Variants in SYNE2 observed in about 807,000 individuals in gnomAD.
SYNE2 encodes spectrin repeat containing nuclear envelope protein 2.
Under a neutral mutation model 856.3 loss-of-function variants are expected in SYNE2, and 431 were observed. The observed-to-expected ratio is 0.50, with a 90% CI of 0.47 to 0.55. The LOEUF (loss-of-function observed/expected upper bound fraction) is 0.55. SYNE2 is among the 20% of genes least tolerant of loss of function. The probability of loss-of-function intolerance (pLI) is 0.00; values close to 1 mark genes in which losing one functional copy is unlikely to be tolerated. For missense variants in SYNE2, 8,129 were observed against 8,023.2 expected (o/e 1.01, Z -0.50); for synonymous variants, 2,923 against 2,872.3 (o/e 1.02, Z -0.56).
intron 50 of SYNE2, among the ~76,000 whole-genome samples, chr14:64,063,796 T>G (rs2097335800): frequency 6.6e-6 from 1 of 152,202 alleles, no homozygotes; most frequent in Admixed American, 6.5e-5. Context: ...TAGTAAAATG[T>G]GAGACTTAAA....
intron 11 of SYNE2, among the ~76,000 whole-genome samples, chr14:63,975,698 C>T (rs1001394037): frequency 5.9e-5 from 9 of 152,128 alleles, no homozygotes. Flanking sequence ...TTTTTGAACA[C>T]AGTGTATTTT....
At chr14:64,096,998 G>A (rs1177685361) in intron 61 of SYNE2, among the ~76,000 whole-genome samples, 1 of 152,170 alleles carries the variant, frequency 6.6e-6, no homozygotes, top group Admixed American at 6.5e-5. Context: ...CTCACTTCAG[G>A]AGCTCAGGCA....
rs948317915 is a variant in SYNE2, at chr14:63,853,675, A to G, written c.-52+532A>G. 5.2e-4 allele frequency among the ~76,000 whole-genome samples: 78 copies of G among 150,512 alleles called. 1 individual carries two copies. In the South Asian group the frequency reaches 6.5e-3, roughly 13 times the overall value. Reference sequence around the variant, plus strand: ...GAGCGGTGCGGTGCTCGCCCCGGGGACCCGGGAACCCGCGGGTCGGGGCGC... The same window carrying G: ...GAGCGGTGCGGTGCTCGCCCCGGGGGCCCGGGAACCCGCGGGTCGGGGCGC... On this transcript the variant is annotated intron_variant, in intron 1 of 115. Coordinates refer to ENST00000555002, the MANE Select transcript of SYNE2 (RefSeq NM_182914.3).
intron 63 of SYNE2, chr14:64,099,273 G>C (rs1595507725): frequency 5.8e-6 from 1 of 171,052 alleles, no homozygotes; most frequent in East Asian, 1.7e-4. Context: ...GGTTGAATGA[G>C]ACATTTTCAG....
intron 66 of SYNE2, among the ~76,000 whole-genome samples, chr14:64,114,995 G>C (rs1468563726): frequency 6.6e-6 from 1 of 152,186 alleles, no homozygotes; most frequent in Non-Finnish European, 1.5e-5. Context: ...AGGCCCAGGG[G>C]AGCCTGTGAA....
intron 11 of SYNE2, among the ~76,000 whole-genome samples, chr14:63,974,074 T>G (rs1566946603): frequency 6.6e-6 from 1 of 152,026 alleles, no homozygotes; most frequent in Non-Finnish European, 1.5e-5. Context: ...TACAATAAAA[T>G]AATAATTTTA....
chr14:63,842,145 T>G (rs911070625), intron 1 of SYNE2, among the ~76,000 whole-genome samples: 3 of 150,676 alleles, frequency 2.0e-5, no homozygotes. Flanking sequence ...TTTTTGCCCA[T>G]TTTTCTTCTT....
At chr14:64,012,512 A>T (rs80331304) in intron 32 of SYNE2, among the ~76,000 whole-genome samples, 1 of 152,214 alleles carries the variant, frequency 6.6e-6, no homozygotes, top group South Asian at 2.1e-4. Context: ...TGAAGTGTGT[A>T]TATAGTAGAA....
chr14:63,937,892 G>C (rs2095852678), intron 2 of SYNE2, among the ~76,000 whole-genome samples: 1 of 152,182 alleles, frequency 6.6e-6, no homozygotes, highest in Admixed American at 6.5e-5. Context: ...CTGGGGGTGA[G>C]GGACACTGAA....
chr14:64,178,007 T>C (rs1406062049), intron 96 of SYNE2, among the ~76,000 whole-genome samples: 1 of 152,210 alleles, frequency 6.6e-6, no homozygotes, highest in African/African-American at 2.4e-5. Flanking sequence ...AACTTATGGA[T>C]AGGAATTGGG....
Position 64,136,994 on chromosome 14 carries a change from A to T in SYNE2, c.14647-793A>T, listed in dbSNP as rs372366575. 1.7e-4 allele frequency among the ~76,000 whole-genome samples: 26 copies of T among 152,256 alleles called. 1 individual carries two copies. The highest frequency in any genetic ancestry group is 3.4e-3 in the Middle Eastern group (1 of 294). On this transcript the variant is annotated intron_variant, in intron 78 of 115. Transcript: ENST00000555002. ...TTACAGCCGCCCTTTGCCACATGAG[A>T]TGCAGACCAACAATTGCTAGGTCTT...
intron 1 of SYNE2, among the ~76,000 whole-genome samples, chr14:63,775,712 G>T (rs1887084267): frequency 6.6e-6 from 1 of 152,120 alleles, no homozygotes; most frequent in African/African-American, 2.4e-5. Context: ...TCCAAAAGTA[G>T]CTGGGACTAC....
chr14:64,192,176 G>C (rs1295941688), intron 99 of SYNE2, among the ~76,000 whole-genome samples: 1 of 152,168 alleles, frequency 6.6e-6, no homozygotes, highest in Non-Finnish European at 1.5e-5. Context: ...TCAGAGCTTA[G>C]AATAGCGCGT....
At position 64,151,019 on chromosome 14, in the gene SYNE2, C is replaced by G. The variant is rs558950428; in HGVS notation, c.15640-1545C>G. ...GACAGTGAGAGGTTTTCTGTTCATACGCTATATATTCATGTGGCTCTAAAT... is the reference window on the plus strand; with the variant it reads ...GACAGTGAGAGGTTTTCTGTTCATAGGCTATATATTCATGTGGCTCTAAAT... On this transcript the variant is annotated intron_variant, in intron 84 of 115. Transcript: ENST00000555002. Among the ~76,000 whole-genome samples, 10 of 152,218 alleles carry G rather than the reference C, an allele frequency of 6.6e-5. No homozygotes were observed. In the East Asian group the frequency reaches 1.9e-3, roughly 29 times the overall value.
chr14:64,176,312 C>T (rs1042495462), intron 95 of SYNE2, among the ~76,000 whole-genome samples: 23 of 152,304 alleles, frequency 1.5e-4, no homozygotes, highest in African/African-American at 5.3e-4. Context: ...CCCAGATCCA[C>T]GGGCTAGTCA....
chr14:64,176,810 T>G (rs1429096568), intron 95 of SYNE2, among the ~76,000 whole-genome samples: 1 of 149,312 alleles, frequency 6.7e-6, no homozygotes, highest in Non-Finnish European at 1.5e-5. Flanking sequence ...TTTATTTATT[T>G]ATTTTAAGAT....
chr14:64,205,449 C>A (rs1157071568), intron 100 of SYNE2, among the ~76,000 whole-genome samples: 2 of 152,154 alleles, frequency 1.3e-5, no homozygotes, highest in South Asian at 2.1e-4. Flanking sequence ...AAAAAACAAC[C>A]ACCTTACCTA....
rs762069015 is a variant in SYNE2, at chr14:64,215,374, T to C, written c.19402+20T>C. On this transcript the variant is annotated intron_variant, in intron 107 of 115. Transcript: ENST00000555002. Reference sequence around the variant, plus strand: ...CTTCTGGTAGGCCCCCGCCCATGCATGTGTCAACATGGCAGCATCCTGTGG... The same window carrying C: ...CTTCTGGTAGGCCCCCGCCCATGCACGTGTCAACATGGCAGCATCCTGTGG... The C allele has an allele frequency of 1.2e-6, 2 of 1,612,770 alleles. No individual in the cohort carries two copies. The highest frequency in any genetic ancestry group is 2.2e-5 in the East Asian group (1 of 44,874).
At chr14:64,162,490 C>T (rs1177576266) in intron 88 of SYNE2, 3 of 612,816 alleles carry the variant, frequency 4.9e-6, no homozygotes, top group East Asian at 5.9e-5. Flanking sequence ...CAGGGGGACT[C>T]GATATCACCT....
Sources: allele counts gnomAD v4.1 joint callset (sites outside exome capture counted in the v4.1 genomes callset), GRCh38; gene constraint gnomAD v4.1.1; transcripts MANE v1.5; gene names NCBI Gene and HGNC (gene_info 2026-07-23, HGNC 2026-07-21).